Variants in CSMD1 observed in about 807,000 individuals in gnomAD.
The protein encoded by CSMD1 is CUB and sushi domain-containing protein 1.
In CSMD1, 213 loss-of-function variants were observed where a neutral mutation model predicts 417.5. The ratio of observed to expected loss-of-function variants is 0.51; its 90% CI spans 0.46 to 0.57. The LOEUF (loss-of-function observed/expected upper bound fraction) is 0.57. Among genes scored for constraint, CSMD1 ranks in the 20% least tolerant of loss-of-function variants. The pLI is 0.00. For synonymous variants in CSMD1, 2,862 were observed against 1,736.8 expected, an observed-to-expected ratio of 1.65 and a Z score of -16.11; for missense variants, 6,923 against 4,529.7, an observed-to-expected ratio of 1.53 and a Z score of -15.17.
At chr8:3,960,661 GAA>G in intron 5 of CSMD1, among the ~76,000 whole-genome samples, 1 of 151,978 alleles carries the variant, frequency 6.6e-6, no homozygotes, top group East Asian at 1.9e-4. Context: ...TATAAATCAA[GAA>G]GTTATGATAA....
At chr8:4,441,357 C>G (rs935062545) in intron 2 of CSMD1, among the ~76,000 whole-genome samples, 1 of 149,032 alleles carries the variant, frequency 6.7e-6, no homozygotes, top group Non-Finnish European at 1.5e-5. Context: ...AAGCAATCCT[C>G]CTGTCTGAGC....
intron 10 of CSMD1, among the ~76,000 whole-genome samples, chr8:3,548,238 A>G (rs7001062): frequency 0.31 from 47,552 of 152,064 alleles, 8,027 homozygotes; most frequent in East Asian, 0.4. Flanking sequence ...CTCAGTGCCC[A>G]GTTCTGCCCT....
chr8:4,130,994 C>T (rs566817636), intron 3 of CSMD1, among the ~76,000 whole-genome samples: 1 of 152,092 alleles, frequency 6.6e-6, no homozygotes, highest in South Asian at 2.1e-4. Context: ...AAGTCTCTCC[C>T]TGCTGTTGGA....
chr8:3,463,558 C>T (rs1168509435), intron 12 of CSMD1, among the ~76,000 whole-genome samples: 6 of 152,172 alleles, frequency 3.9e-5, no homozygotes, highest in South Asian at 2.1e-4. Flanking sequence ...CTATGAATAG[C>T]GTATTGGCTT....
At chr8:3,007,918 T>A (rs1808075717) in intron 52 of CSMD1, among the ~76,000 whole-genome samples, 2 of 152,092 alleles carry the variant, frequency 1.3e-5, no homozygotes, top group Admixed American at 1.3e-4. Flanking sequence ...ACTTAAAGTA[T>A]AATAATAAAA....
At chr8:4,519,176 A>G (rs1803291493) in intron 2 of CSMD1, among the ~76,000 whole-genome samples, 1 of 152,140 alleles carries the variant, frequency 6.6e-6, no homozygotes, top group African/African-American at 2.4e-5. Context: ...TCTTGCAGTC[A>G]GGATTCCCTA....
intron 1 of CSMD1, among the ~76,000 whole-genome samples, chr8:4,685,708 G>A (rs1012325821): frequency 3.9e-5 from 6 of 152,082 alleles, no homozygotes; most frequent in East Asian, 1.9e-4. Context: ...GAAGTGAAAC[G>A]GTAAAATAAA....
rs117031802 is a variant in CSMD1 at position 3,542,922 on chromosome 8, G to A, written c.1344+32023C>T. 1.5e-3 allele frequency among the ~76,000 whole-genome samples: 222 copies of A among 151,910 alleles called. 1 individual carries two copies. The highest frequency in any genetic ancestry group is 2.6e-3 in the Non-Finnish European group (177 of 68,020). On this transcript the variant is annotated intron_variant, in intron 10 of 69. Coordinates refer to ENST00000635120, the MANE Select transcript of CSMD1 (RefSeq NM_033225.6). ...GCGGTGGAGACACCGTCCTCCCCAG[G>A]CAGCTCTCCTGAGACTTGGGGGACC...
chr8:3,042,250 A>G (rs993977379), intron 50 of CSMD1, among the ~76,000 whole-genome samples: 15 of 152,108 alleles, frequency 9.9e-5, no homozygotes, highest in Admixed American at 2.0e-4. Context: ...GTGGATGGAT[A>G]TGCACCCTCC....
chr8:3,176,729 C>A (rs1353516630), intron 37 of CSMD1, among the ~76,000 whole-genome samples: 2 of 152,082 alleles, frequency 1.3e-5, no homozygotes, highest in African/African-American at 2.4e-5. Flanking sequence ...AGCTGCGTGG[C>A]AGGTACCCTG....
intron 2 of CSMD1, among the ~76,000 whole-genome samples, chr8:4,591,220 G>A (rs977355202): frequency 1.3e-5 from 2 of 152,202 alleles, no homozygotes; most frequent in Non-Finnish European, 1.5e-5. Flanking sequence ...GATGAAATAA[G>A]CAATGATCTC....
At chr8:3,933,947 C>A (rs930057908) in intron 5 of CSMD1, among the ~76,000 whole-genome samples, 1 of 152,044 alleles carries the variant, frequency 6.6e-6, no homozygotes, top group African/African-American at 2.4e-5. Context: ...CAGCCAGGGA[C>A]CTAGGCAGGG....
At chr8:4,958,611 A>G (rs1018379568) in intron 1 of CSMD1, among the ~76,000 whole-genome samples, 1 of 152,200 alleles carries the variant, frequency 6.6e-6, no homozygotes, top group Non-Finnish European at 1.5e-5. Context: ...TTCTGCTACA[A>G]TAATAAGCTA....
intron 3 of CSMD1, among the ~76,000 whole-genome samples, chr8:4,112,123 G>A (rs888317564): frequency 6.6e-6 from 1 of 152,080 alleles, no homozygotes; most frequent in Non-Finnish European, 1.5e-5. Context: ...ACAAGATCAG[G>A]GGCCCCTTCA....
intron 19 of CSMD1, among the ~76,000 whole-genome samples, chr8:3,368,047 G>C (rs17321388): frequency 0.18 from 27,708 of 152,098 alleles, 2,933 homozygotes; most frequent in South Asian, 0.31. Context: ...GAACTACAAA[G>C]GCTTATTTCT....
intron 1 of CSMD1, among the ~76,000 whole-genome samples, chr8:4,766,888 A>T (rs887680222): frequency 6.6e-6 from 1 of 152,320 alleles, no homozygotes; most frequent in African/African-American, 2.4e-5. Flanking sequence ...TCTTATGTTG[A>T]TATTTTCCGC....
intron 38 of CSMD1, among the ~76,000 whole-genome samples, chr8:3,161,642 A>AAAAG (rs1319431902): frequency 2.7e-4 from 41 of 151,930 alleles, no homozygotes; most frequent in African/African-American, 9.4e-4. Flanking sequence ...AAAAAAAAAA[A>AAAAG]AAACCCTCTT....
chr8:4,147,431 C>T (rs1563185940), intron 3 of CSMD1, among the ~76,000 whole-genome samples: 1 of 152,124 alleles, frequency 6.6e-6, no homozygotes, highest in African/African-American at 2.4e-5. Context: ...GCTTTTCCAC[C>T]TACCTTCTGG....
chr8:3,339,082 G>A (rs891054191), intron 23 of CSMD1, among the ~76,000 whole-genome samples: 4 of 148,410 alleles, frequency 2.7e-5, no homozygotes, highest in Non-Finnish European at 5.9e-5. Context: ...GAGAATATGC[G>A]GTGTTTGGTT....
Sources: gnomAD v4.1 joint callset for allele counts (sites outside exome capture counted in the v4.1 genomes callset) on GRCh38, gnomAD v4.1.1 for gene constraint, MANE v1.5 for transcripts, NCBI Gene and HGNC (gene_info 2026-07-23, HGNC 2026-07-21) for gene names.